COL22A1: variants seen among roughly 807,000 people sequenced by gnomAD.
COL22A1 encodes the protein collagen type XXII alpha 1 chain, also known as collagen alpha-1(XXII) chain.
COL22A1 carries 221 observed loss-of-function variants against 248.9 expected under a neutral mutation model. That is an observed-to-expected ratio of 0.89 (90% CI 0.80 to 0.99). The LOEUF is 0.99. Among genes scored for constraint, COL22A1 ranks in the 50% least tolerant of loss-of-function variants. COL22A1 has a pLI of 0.00. For missense variants in COL22A1, 2,240 were observed against 2,179.0 expected, an observed-to-expected ratio of 1.03 and a Z score of -0.56; for synonymous variants, 891 against 793.4, an observed-to-expected ratio of 1.12 and a Z score of -2.07.
chr8:138,664,194 T>TGTGCGC (rs1554738435), intron 41 of COL22A1, among the ~76,000 whole-genome samples: 1 of 85,300 alleles, frequency 1.2e-5, no homozygotes, highest in Non-Finnish European at 2.5e-5. Context: ...CAACAAGGGG[T>TGTGCGC]GCGCGCGCGC....
intron 22 of COL22A1, among the ~76,000 whole-genome samples, chr8:138,743,274 T>C (rs1339733447): frequency 1.3e-5 from 2 of 151,694 alleles, no homozygotes; most frequent in Non-Finnish European, 2.9e-5. Context: ...GTGATTGTGA[T>C]GATGATGGTG....
intron 23 of COL22A1, among the ~76,000 whole-genome samples, chr8:138,735,020 G>T (rs1363047615): frequency 6.6e-6 from 1 of 151,452 alleles, no homozygotes; most frequent in East Asian, 1.9e-4. Flanking sequence ...CTGTCAGTGG[G>T]TTGGGGGAAA....
rs1554659273 is a variant in COL22A1, at chr8:138,895,069, A to AAAAAAG, written c.-72-11826_-72-11825insCTTTTT. 4.1e-3 allele frequency among the ~76,000 whole-genome samples: 598 copies of AAAAAAG among 145,120 alleles called. 6 individuals are homozygous for AAAAAAG. The highest frequency in any genetic ancestry group is 0.015 in the African/African-American group (556 of 37,736). ...GCAAGAACCTTTCTCTTAAAAAAAAAAAAAGAAAAGAAAAGAAAAAAAAAC... is the reference window on the plus strand; with the variant it reads ...GCAAGAACCTTTCTCTTAAAAAAAAAAAAAAGAAAAGAAAAGAAAAGAAAAAAAAAC... On this transcript the variant is annotated intron_variant, in intron 1 of 64. Coordinates refer to ENST00000303045, the MANE Select transcript of COL22A1 (RefSeq NM_152888.3).
chr8:138,594,715 G>A (rs55909755), intron 62 of COL22A1, among the ~76,000 whole-genome samples: 7,960 of 152,278 alleles, frequency 0.052, 246 homozygotes, highest in Non-Finnish European at 0.07. Context: ...TACCCCAGGC[G>A]CAGAACGACG....
At chr8:138,754,967 G>C (rs143343908) in intron 21 of COL22A1, among the ~76,000 whole-genome samples, 190 bp downstream of exon 21, 1 of 152,196 alleles carries the variant, frequency 6.6e-6, no homozygotes, top group Non-Finnish European at 1.5e-5. Flanking sequence ...GACGTGGAGA[G>C]AGTTATCCCA....
At chr8:138,712,115 C>T (rs568609070) in intron 30 of COL22A1, among the ~76,000 whole-genome samples, 15 of 152,206 alleles carry the variant, frequency 9.9e-5, no homozygotes, top group Non-Finnish European at 1.3e-4. Context: ...TGCCACAAGT[C>T]ATCCACCAAC....
intron 20 of COL22A1, 81 bp from the exon 21 acceptor site, chr8:138,755,291 C>T: frequency 6.9e-7 from 1 of 1,449,644 alleles, no homozygotes; most frequent in Non-Finnish European, 9.7e-7. Context: ...TGGCCCTCTC[C>T]TGACTCAAAG....
intron 7 of COL22A1, among the ~76,000 whole-genome samples, chr8:138,817,688 C>G (rs1411955540): frequency 1.3e-5 from 2 of 152,170 alleles, no homozygotes; most frequent in Admixed American, 1.3e-4. Context: ...TAATCCTCTT[C>G]CTGTTTTCAA....
At chr8:138,894,638 GA>G (rs1825280799) in intron 1 of COL22A1, among the ~76,000 whole-genome samples, 1 of 152,148 alleles carries the variant, frequency 6.6e-6, no homozygotes, top group African/African-American at 2.4e-5. Flanking sequence ...GATATTCCTG[GA>G]AAAGTATAGA....
rs556496412 is a variant in COL22A1, at chr8:138,751,202, A to G, written c.2085+256T>C. Among the ~76,000 whole-genome samples the G allele has an allele frequency of 2.4e-3, 360 of 152,264 alleles. 2 individuals carry two copies. The highest frequency in any genetic ancestry group is 8.1e-3 in the African/African-American group (337 of 41,554). On this transcript the variant is annotated intron_variant, in intron 22 of 64. Coordinates refer to ENST00000303045, the MANE Select transcript of COL22A1 (RefSeq NM_152888.3). ...CCTGCTCTGGGGCTGTGATCACCCA[A>G]TGGATTCATGTCTCTCTATATATGA... is the stretch of plus-strand genomic sequence containing the variant.
chr8:138,845,491 G>C (rs1409651119), intron 3 of COL22A1, among the ~76,000 whole-genome samples: 1 of 150,370 alleles, frequency 6.7e-6, no homozygotes, highest in Non-Finnish European at 1.5e-5. Flanking sequence ...TGACAGCCTG[G>C]GTGACAGAAT....
At chr8:138,864,135 A>G (rs762990620) in intron 3 of COL22A1, among the ~76,000 whole-genome samples, 1 of 152,106 alleles carries the variant, frequency 6.6e-6, no homozygotes, top group African/African-American at 2.4e-5. Flanking sequence ...CCCCATGCTC[A>G]TCTTCTAGAC....
At chr8:138,640,860 T>A (rs528038514) in intron 47 of COL22A1, among the ~76,000 whole-genome samples, 2 of 152,270 alleles carry the variant, frequency 1.3e-5, no homozygotes, top group South Asian at 2.1e-4. Flanking sequence ...AATGCCCAAG[T>A]CCTATAATTA....
At chr8:138,725,561 T>A in intron 23 of COL22A1, 121 bp from the exon 24 acceptor site, 1 of 785,378 alleles carries the variant, frequency 1.3e-6, no homozygotes, top group South Asian at 2.1e-5. Flanking sequence ...TTTAACTTTA[T>A]TTGTAATGCC....
At chr8:138,890,475 G>A (rs1054872370) in intron 1 of COL22A1, among the ~76,000 whole-genome samples, 1 of 152,038 alleles carries the variant, frequency 6.6e-6, no homozygotes, top group African/African-American at 2.4e-5. Context: ...TAGGGATGGG[G>A]ATTCACTCTG....
At chr8:138,884,734 C>T (rs1272460407) in intron 1 of COL22A1, among the ~76,000 whole-genome samples, 1 of 152,126 alleles carries the variant, frequency 6.6e-6, no homozygotes, top group Non-Finnish European at 1.5e-5. Flanking sequence ...TGGACCAGGG[C>T]TAGGAGGGGT....
At chr8:138,700,312 G>A (rs555827168) in intron 31 of COL22A1, among the ~76,000 whole-genome samples, 168 bp from the exon 32 acceptor site, 1 of 152,304 alleles carries the variant, frequency 6.6e-6, no homozygotes, top group East Asian at 1.9e-4. Context: ...TAAAATCCCT[G>A]GCTATTTATT....
chr8:138,808,804 T>C (rs1382807199), intron 9 of COL22A1, among the ~76,000 whole-genome samples: 1 of 152,248 alleles, frequency 6.6e-6, no homozygotes, highest in Admixed American at 6.5e-5. Context: ...AGATGTCATT[T>C]GCTCAGGCAA....
At chr8:138,892,464 G>A (rs1487916731) in intron 1 of COL22A1, among the ~76,000 whole-genome samples, 1 of 152,176 alleles carries the variant, frequency 6.6e-6, no homozygotes, top group Non-Finnish European at 1.5e-5. Context: ...TGAGGTTTCT[G>A]GAACCTCCAC....
Sources: gnomAD v4.1 joint callset for allele counts (sites outside exome capture counted in the v4.1 genomes callset) on GRCh38, gnomAD v4.1.1 for gene constraint, MANE v1.5 for transcripts, NCBI Gene and HGNC (gene_info 2026-07-23, HGNC 2026-07-21) for gene names.